The following CNTNAP2 variants were observed in gnomAD, a reference collection of about 807,000 sequenced individuals.
CNTNAP2 encodes contactin-associated protein-like 2.
Under a neutral mutation model 155.2 loss-of-function variants are expected in CNTNAP2, and 98 were observed. The ratio of observed to expected loss-of-function variants is 0.63; its 90% CI spans 0.54 to 0.75. The LOEUF (loss-of-function observed/expected upper bound fraction) is 0.75, where lower values mean the gene tolerates loss of function less well. Among genes scored for constraint, CNTNAP2 ranks in the 30% least tolerant of loss-of-function variants. The pLI, the probability that CNTNAP2 is intolerant of heterozygous loss-of-function variation, is 0.00. For synonymous variants in CNTNAP2, 651 were observed against 631.2 expected (o/e 1.03, Z -0.47); for missense variants, 1,727 against 1,688.1 (o/e 1.02, Z -0.40).
intron 1 of CNTNAP2, among the ~76,000 whole-genome samples, chr7:146,438,969 G>T (rs1417007983): frequency 1.3e-5 from 2 of 151,378 alleles, no homozygotes; most frequent in Admixed American, 6.6e-5. Flanking sequence ...CATACCTTAA[G>T]AAGTTTTCTT....
At chr7:146,754,554 G>GTCTC (rs143802449) in intron 1 of CNTNAP2, among the ~76,000 whole-genome samples, 3,367 of 144,904 alleles carry the variant, frequency 0.023, 88 homozygotes, top group African/African-American at 0.069. Flanking sequence ...CTCTCTCTCT[G>GTCTC]TCTCTCTCTC....
chr7:148,373,662 TC>T (rs1406849918), intron 21 of CNTNAP2, among the ~76,000 whole-genome samples: 1 of 152,200 alleles, frequency 6.6e-6, no homozygotes, highest in African/African-American at 2.4e-5. Context: ...TATCTATTTG[TC>T]TTGACCACAA....
At chr7:148,296,797 T>C (rs1797294302) in intron 21 of CNTNAP2, among the ~76,000 whole-genome samples, 3 of 152,070 alleles carry the variant, frequency 2.0e-5, no homozygotes, top group Admixed American at 1.3e-4. Flanking sequence ...AGAAGCCTAA[T>C]CTAAACAAAG....
At chr7:148,145,914 T>C (rs965149961) in intron 16 of CNTNAP2, among the ~76,000 whole-genome samples, 1 of 152,216 alleles carries the variant, frequency 6.6e-6, no homozygotes, top group Admixed American at 6.5e-5. Flanking sequence ...ATGAAAGTTC[T>C]CTCGCTAACG....
In CNTNAP2 at chr7:146,271,141, A is replaced by G. The variant is rs144028019; in HGVS notation, c.97+154168A>G. On this transcript the variant is annotated intron_variant, in intron 1 of 23. Transcript: ENST00000361727. ...CTTTTTTTAATTTCACAAATGTCAGAGGTACAAAAGAGTCTTACACCTTTT... is the reference window on the plus strand; with the variant it reads ...CTTTTTTTAATTTCACAAATGTCAGGGGTACAAAAGAGTCTTACACCTTTT... Among the ~76,000 whole-genome samples the G allele has an allele frequency of 4.9e-4, 75 of 152,226 alleles. No homozygotes were observed. In the East Asian group the frequency reaches 0.014, roughly 28 times the overall value.
At chr7:147,767,422 A>T (rs10281965) in intron 13 of CNTNAP2, among the ~76,000 whole-genome samples, 2,641 of 152,190 alleles carry the variant, frequency 0.017, 59 homozygotes, top group African/African-American at 0.059. Context: ...ACAAATTTTG[A>T]AGTAAATAAT....
chr7:148,417,563 A>G lies in CNTNAP2; in HGVS notation c.*1947A>G, dbSNP rs1298237151. 6.6e-6 allele frequency: 1 copy of G among 152,336 alleles called. No individual in the cohort carries two copies. Among genetic ancestry groups the G allele is most frequent in the Non-Finnish European group, 1.5e-5 (1 of 68,048 alleles). 9.4% of individuals were successfully genotyped at this position (152,336 alleles called of 1,614,324 possible). ...CTTAATATCACTAAATATCAGAACA[A>G]TGTAACATTTACAAATGACATATTG... On this transcript the variant is annotated 3_prime_UTR_variant, in exon 24 of 24. Transcript: ENST00000361727.
intron 15 of CNTNAP2, among the ~76,000 whole-genome samples, chr7:148,020,948 T>A (rs893432800): frequency 1.3e-5 from 2 of 152,264 alleles, no homozygotes; most frequent in African/African-American, 4.8e-5. Flanking sequence ...CACTTTGTGC[T>A]GACACCGTCA....
At chr7:147,422,032 T>G (rs1797298781) in intron 10 of CNTNAP2, among the ~76,000 whole-genome samples, 1 of 151,502 alleles carries the variant, frequency 6.6e-6, no homozygotes, top group Admixed American at 6.6e-5. Context: ...TTACCAAGTC[T>G]TAGGCATTTC....
At chr7:147,460,704 T>A (rs1274610988) in intron 10 of CNTNAP2, among the ~76,000 whole-genome samples, 2 of 152,208 alleles carry the variant, frequency 1.3e-5, no homozygotes, top group African/African-American at 4.8e-5. Context: ...TATTTCCCTA[T>A]GTGAGTTTCA....
chr7:147,504,408 T>C (rs1798870101), intron 11 of CNTNAP2, among the ~76,000 whole-genome samples: 1 of 151,880 alleles, frequency 6.6e-6, no homozygotes, highest in African/African-American at 2.4e-5. Flanking sequence ...AATGTTTTAG[T>C]CCGGGCACAG....
At chr7:147,464,299 C>G (rs1798074774) in intron 10 of CNTNAP2, among the ~76,000 whole-genome samples, 1 of 151,662 alleles carries the variant, frequency 6.6e-6, no homozygotes, top group Admixed American at 6.6e-5. Flanking sequence ...AACCCTGTCT[C>G]TACTAAAAAT....
intron 4 of CNTNAP2, among the ~76,000 whole-genome samples, chr7:147,062,450 T>C (rs528289118): frequency 7.2e-4 from 109 of 152,206 alleles, no homozygotes; most frequent in African/African-American, 2.5e-3. Context: ...CATTATCTTT[T>C]ATTATAAATG....
intron 1 of CNTNAP2, among the ~76,000 whole-genome samples, chr7:146,249,577 A>C (rs1030971524): frequency 6.6e-6 from 1 of 152,200 alleles, no homozygotes; most frequent in African/African-American, 2.4e-5. Context: ...TTCAGCACAA[A>C]TATCACTTAT....
intron 14 of CNTNAP2, among the ~76,000 whole-genome samples, chr7:147,912,930 C>T (rs1481390148): frequency 1.3e-5 from 2 of 152,200 alleles, no homozygotes; most frequent in African/African-American, 4.8e-5. Flanking sequence ...GTGGTCTGTT[C>T]TGGGACCTGG....
chr7:147,759,365 A>G (rs1797264850), intron 13 of CNTNAP2, among the ~76,000 whole-genome samples: 1 of 152,194 alleles, frequency 6.6e-6, no homozygotes, highest in African/African-American at 2.4e-5. Flanking sequence ...AGACATTCTG[A>G]ATAAAACAAG....
At chr7:147,924,842 G>C (rs1411921428) in intron 14 of CNTNAP2, among the ~76,000 whole-genome samples, 1 of 152,108 alleles carries the variant, frequency 6.6e-6, no homozygotes, top group Non-Finnish European at 1.5e-5. Flanking sequence ...ATGTGGCAAG[G>C]TGTGGTGGCG....
At position 147,860,690 on chromosome 7, in the gene CNTNAP2, G is replaced by C. The variant is rs114466310; in HGVS notation, c.2099-42875G>C. ...TTGATTCCCCTTCTACTTCTGCCAT[G>C]ACTGTAAATTTCCTGATGCCTCCTC... On this transcript the variant is annotated intron_variant, in intron 13 of 23. Coordinates refer to ENST00000361727, the MANE Select transcript of CNTNAP2 (RefSeq NM_014141.6). Among the ~76,000 whole-genome samples the C allele has an allele frequency of 7.0e-3, 1,062 of 151,948 alleles. 11 individuals carry two copies. Among genetic ancestry groups the C allele is most frequent in the African/African-American group, 0.025 (1,022 of 41,442 alleles).
intron 8 of CNTNAP2, among the ~76,000 whole-genome samples, chr7:147,207,013 T>C (rs1803036688): frequency 2.0e-5 from 3 of 152,152 alleles, no homozygotes; most frequent in Admixed American, 6.6e-5. Context: ...TGATCTCATA[T>C]TTGCACCAAG....
Sources: gnomAD v4.1 joint callset for allele counts (sites outside exome capture counted in the v4.1 genomes callset) on GRCh38, gnomAD v4.1.1 for gene constraint, MANE v1.5 for transcripts, NCBI Gene and HGNC (gene_info 2026-07-23, HGNC 2026-07-21) for gene names.